Variants in CNTNAP2 observed in about 807,000 individuals in gnomAD.
CNTNAP2 encodes contactin-associated protein-like 2.
Under a neutral mutation model 155.2 loss-of-function variants are expected in CNTNAP2, and 98 were observed. That is an observed-to-expected ratio of 0.63 (90% CI 0.54 to 0.75). The LOEUF (loss-of-function observed/expected upper bound fraction) is 0.75, where lower values mean the gene tolerates loss of function less well. CNTNAP2 is among the 30% of genes least tolerant of loss of function. The pLI, the probability that CNTNAP2 is intolerant of heterozygous loss-of-function variation, is 0.00. For missense variants in CNTNAP2, 1,727 were observed against 1,688.1 expected, an observed-to-expected ratio of 1.02 and a Z score of -0.40; for synonymous variants, 651 against 631.2, an observed-to-expected ratio of 1.03 and a Z score of -0.47.
intron 12 of CNTNAP2, among the ~76,000 whole-genome samples, chr7:147,627,114 G>A (rs368285378): frequency 1.5e-4 from 23 of 150,950 alleles, no homozygotes; most frequent in African/African-American, 5.0e-4. Flanking sequence ...CCTAGGGTAA[G>A]GGGGGAAGCA....
chr7:148,014,883 G>A (rs1802147415), intron 15 of CNTNAP2, among the ~76,000 whole-genome samples: 1 of 152,234 alleles, frequency 6.6e-6, no homozygotes, highest in African/African-American at 2.4e-5. Flanking sequence ...GCCTGCTAGA[G>A]CAATTGAAGG....
chr7:147,126,356 G>A (rs978297450), intron 6 of CNTNAP2, among the ~76,000 whole-genome samples: 1 of 152,106 alleles, frequency 6.6e-6, no homozygotes, highest in African/African-American at 2.4e-5. Flanking sequence ...ATGAGCCACA[G>A]GAATAATTGA....
chr7:147,837,318 C>T (rs1456307641), intron 13 of CNTNAP2, among the ~76,000 whole-genome samples: 3 of 152,170 alleles, frequency 2.0e-5, no homozygotes, highest in African/African-American at 7.2e-5. Flanking sequence ...ATTCATGAGA[C>T]TTATTCACTA....
At chr7:147,271,122 G>C (rs1388398285) in intron 8 of CNTNAP2, among the ~76,000 whole-genome samples, 2 of 152,160 alleles carry the variant, frequency 1.3e-5, no homozygotes, top group Non-Finnish European at 2.9e-5. Flanking sequence ...AATGTAAGTA[G>C]TTTCACGAAA....
At chr7:146,318,653 T>C (rs2129091980) in intron 1 of CNTNAP2, among the ~76,000 whole-genome samples, 1 of 152,150 alleles carries the variant, frequency 6.6e-6, no homozygotes, top group Middle Eastern at 3.4e-3. Flanking sequence ...ACAGATCTTG[T>C]TTCAAGAGAG....
intron 13 of CNTNAP2, among the ~76,000 whole-genome samples, chr7:147,656,446 A>G (rs1795526824): frequency 6.6e-6 from 1 of 152,182 alleles, no homozygotes; most frequent in Admixed American, 6.5e-5. Flanking sequence ...TCACTCGAAT[A>G]CTTAGAGGCC....
intron 1 of CNTNAP2, among the ~76,000 whole-genome samples, chr7:146,606,329 A>T (rs902042381): frequency 2.0e-5 from 3 of 152,210 alleles, no homozygotes; most frequent in African/African-American, 7.2e-5. Context: ...CAAGTATTAC[A>T]TCAAGACATT....
At chr7:147,669,733 C>A (rs1468861735) in intron 13 of CNTNAP2, among the ~76,000 whole-genome samples, 1 of 152,196 alleles carries the variant, frequency 6.6e-6, no homozygotes, top group East Asian at 1.9e-4. Flanking sequence ...TTCCCATTGG[C>A]ACCACCATTG....
intron 16 of CNTNAP2, among the ~76,000 whole-genome samples, chr7:148,136,752 C>T (rs1204646442): frequency 6.6e-6 from 1 of 152,100 alleles, no homozygotes; most frequent in Admixed American, 6.6e-5. Context: ...CTCGATGGAG[C>T]TACTCTACAG....
chr7:147,050,672 C>T (rs911692084), intron 4 of CNTNAP2, among the ~76,000 whole-genome samples: 3 of 152,292 alleles, frequency 2.0e-5, no homozygotes, highest in Non-Finnish European at 4.4e-5. Flanking sequence ...CACTCTCATT[C>T]TTCCCAGGCA....
intron 6 of CNTNAP2, chr7:147,121,893 G>A (rs1386525962): frequency 6.6e-6 from 1 of 152,090 alleles, no homozygotes; most frequent in Non-Finnish European, 1.5e-5. Context: ...TAAGATGTTT[G>A]TCAGCCGGGC....
intron 1 of CNTNAP2, among the ~76,000 whole-genome samples, chr7:146,312,472 A>G (rs1452475024): frequency 6.6e-6 from 1 of 152,228 alleles, no homozygotes; most frequent in Non-Finnish European, 1.5e-5. Flanking sequence ...CTGTAATTAC[A>G]TATATCTGTA....
chr7:146,385,949 C>A (rs1795453879), intron 1 of CNTNAP2, among the ~76,000 whole-genome samples: 1 of 152,084 alleles, frequency 6.6e-6, no homozygotes, highest in Admixed American at 6.6e-5. Flanking sequence ...TTTTTATTTT[C>A]ATAAGCATAT....
chr7:147,698,764 A>G (rs939580049), intron 13 of CNTNAP2, among the ~76,000 whole-genome samples: 2 of 152,150 alleles, frequency 1.3e-5, no homozygotes, highest in African/African-American at 4.8e-5. Context: ...GGGTTTTGCC[A>G]TGTTACCCAG....
intron 12 of CNTNAP2, among the ~76,000 whole-genome samples, chr7:147,636,209 C>T (rs1205175824): frequency 6.6e-6 from 1 of 152,038 alleles, no homozygotes; most frequent in Non-Finnish European, 1.5e-5. Context: ...CCATGGGGGA[C>T]ACTGTAACTG....
chr7:147,203,485 G>A (rs1584790816), intron 8 of CNTNAP2, among the ~76,000 whole-genome samples: 2 of 152,198 alleles, frequency 1.3e-5, no homozygotes, highest in South Asian at 2.1e-4. Flanking sequence ...GCCCGCCTCG[G>A]CCTTCCAAAG....
chr7:146,861,317 T>G (rs1187577904), intron 3 of CNTNAP2, among the ~76,000 whole-genome samples: 1 of 152,146 alleles, frequency 6.6e-6, no homozygotes, highest in East Asian at 1.9e-4. Context: ...CCTCCCAAAG[T>G]GCTGGGACTA....
chr7:147,853,527 A>G (rs368564493), intron 13 of CNTNAP2, among the ~76,000 whole-genome samples: 18 of 152,208 alleles, frequency 1.2e-4, no homozygotes, highest in African/African-American at 3.9e-4. Flanking sequence ...CACAAATACT[A>G]CAGGAGAGGA....
At chr7:146,931,032 C>G (rs1454136740) in intron 3 of CNTNAP2, among the ~76,000 whole-genome samples, 2 of 152,030 alleles carry the variant, frequency 1.3e-5, no homozygotes, top group East Asian at 3.9e-4. Context: ...ATCAACGAGA[C>G]AGAAAGTTAA....
Sources: allele counts gnomAD v4.1 joint callset (sites outside exome capture counted in the v4.1 genomes callset), GRCh38; gene constraint gnomAD v4.1.1; transcripts MANE v1.5; gene names NCBI Gene and HGNC (gene_info 2026-07-23, HGNC 2026-07-21).